The following NUP153 variants were observed in gnomAD, a reference collection of about 807,000 sequenced individuals.
NUP153 encodes the protein nuclear pore complex protein Nup153.
In NUP153, 27 loss-of-function variants were observed where a neutral mutation model predicts 134.6. The observed-to-expected ratio is 0.20, with a 90% confidence interval of 0.15 to 0.28. The LOEUF (loss-of-function observed/expected upper bound fraction) is 0.28, where lower values mean the gene tolerates loss of function less well. NUP153 is among the 10% of genes least tolerant of loss of function. NUP153 has a pLI of 1.00. For synonymous variants in NUP153, 640 were observed against 623.5 expected (o/e 1.03, Z -0.40); for missense variants, 1,821 against 1,731.3 (o/e 1.05, Z -0.92).
At chr6:17,652,731 G>T (rs187940255) in intron 11 of NUP153, among the ~76,000 whole-genome samples, 6 of 152,260 alleles carry the variant, frequency 3.9e-5, no homozygotes, top group African/African-American at 1.4e-4. Flanking sequence ...AACTCAGTAA[G>T]AAGACAGCTG....
intron 1 of NUP153, among the ~76,000 whole-genome samples, chr6:17,702,240 G>A (rs1392949546): frequency 6.6e-6 from 1 of 152,188 alleles, no homozygotes; most frequent in African/African-American, 2.4e-5. Context: ...GGGCGAGGTA[G>A]CTCATGCCTG....
chr6:17,689,365 C>A (rs1769140018), intron 1 of NUP153, among the ~76,000 whole-genome samples: 1 of 151,530 alleles, frequency 6.6e-6, no homozygotes, highest in South Asian at 2.1e-4. Context: ...CTAGCCCGGG[C>A]AACAAGGGCA....
intron 5 of NUP153, among the ~76,000 whole-genome samples, chr6:17,670,601 T>C (rs1294832793): frequency 2.6e-5 from 4 of 152,220 alleles, no homozygotes; most frequent in Non-Finnish European, 4.4e-5. Flanking sequence ...GCAGACATCC[T>C]TGCTTGCTTC....
Position 17,638,846 on chromosome 6 carries a change from C to T in NUP153, c.1847-1076G>A, listed in dbSNP as rs983315760. Among the ~76,000 whole-genome samples, 7 of 152,198 alleles carry T rather than the reference C, an allele frequency of 4.6e-5. No individual in the cohort carries two copies. The highest frequency in any genetic ancestry group is 1.7e-4 in the African/African-American group (7 of 41,454). ...CAAGCACTCTGGAGTTCTACCATAA[C>T]TGCATGGAACTGTCCAAGCTACTGG... On this transcript the variant is annotated intron_variant, in intron 15 of 21. Transcript: ENST00000262077. This position sits in a 1 kb window ranked among gnomAD's most constrained non-coding sequence, Gnocchi z 4.0.
chr6:17,664,641 T>C (rs1370346015), intron 9 of NUP153, among the ~76,000 whole-genome samples: 1 of 152,166 alleles, frequency 6.6e-6, no homozygotes. Flanking sequence ...TGAAATTTAC[T>C]TGCAGATAGT....
chr6:17,634,309 G>A (rs572693466), intron 16 of NUP153, among the ~76,000 whole-genome samples: 47 of 152,130 alleles, frequency 3.1e-4, no homozygotes, highest in South Asian at 6.2e-4. Context: ...GTAAGTTAGC[G>A]GACTTTCATT....
chr6:17,637,061 T>C lies in NUP153; in HGVS notation c.2464+92A>G, dbSNP rs930080528. 3.9e-5 allele frequency: 49 copies of C among 1,257,104 alleles called. No homozygotes were observed. In the South Asian group the frequency reaches 7.0e-4, roughly 18 times the overall value. The allele number at this position is 1,257,104 out of a possible 1,614,324, so 77.9% of individuals were successfully genotyped here. ...AATTAATATGTATGAGAAATGCTCATCCTGAAACATCTAAAACAAGGATTC... is the reference window on the plus strand; with the variant it reads ...AATTAATATGTATGAGAAATGCTCACCCTGAAACATCTAAAACAAGGATTC... On this transcript the variant is annotated intron_variant, in intron 16 of 21. Transcript: ENST00000262077.
chr6:17,704,044 G>A (rs1178582613), intron 1 of NUP153, among the ~76,000 whole-genome samples: 1 of 152,222 alleles, frequency 6.6e-6, no homozygotes, highest in Non-Finnish European at 1.5e-5. Flanking sequence ...TGTAATCCCA[G>A]CACTTCGGGA....
At chr6:17,620,705 A>G (rs1184876227) in intron 20 of NUP153, among the ~76,000 whole-genome samples, 1 of 152,156 alleles carries the variant, frequency 6.6e-6, no homozygotes, top group African/African-American at 2.4e-5. Flanking sequence ...TTTTCAGTTC[A>G]TCAGCTATTG....
intron 1 of NUP153, among the ~76,000 whole-genome samples, chr6:17,693,484 C>G (rs1380149972): frequency 6.6e-6 from 1 of 152,218 alleles, no homozygotes; most frequent in East Asian, 1.9e-4. Flanking sequence ...TGTATTCTTC[C>G]AGTCCTAGAG....
Position 17,630,702 on chromosome 6 carries a change from C to T in NUP153, c.2660-1163G>A, listed in dbSNP as rs376077706. Among the ~76,000 whole-genome samples the T allele has an allele frequency of 7.8e-4, 90 of 115,538 alleles. 1 individual carries two copies. In the South Asian group the frequency reaches 0.014, roughly 18 times the overall value. 75.8% of individuals were successfully genotyped at this position (115,538 alleles called of 152,430 possible). A position where few individuals can be genotyped will look rare whatever the true frequency, so the allele number is the denominator to read the frequency against. ...AGAAAACAGAGGAGAGCAGAGGAGACGGGAGACGAGAGGGGAGGGGAGACA... is the reference window on the plus strand; with the variant it reads ...AGAAAACAGAGGAGAGCAGAGGAGATGGGAGACGAGAGGGGAGGGGAGACA... On this transcript the variant is annotated intron_variant, in intron 17 of 21. Transcript: ENST00000262077.
intron 2 of NUP153, among the ~76,000 whole-genome samples, chr6:17,686,793 G>A (rs1305245784): frequency 6.6e-6 from 1 of 151,274 alleles, no homozygotes; most frequent in African/African-American, 2.4e-5. Flanking sequence ...TGAGTTGGGG[G>A]TAGGAAGGTA....
chr6:17,616,392 G>C (rs1178314156), intron 21 of NUP153, 135 bp downstream of exon 21: 2 of 861,034 alleles, frequency 2.3e-6, no homozygotes, highest in East Asian at 5.3e-5. Context: ...ATTATAGTAT[G>C]GTAAATTTAT....
intron 14 of NUP153, among the ~76,000 whole-genome samples, chr6:17,643,184 A>C (rs1303475163): frequency 6.6e-6 from 1 of 152,172 alleles, no homozygotes; most frequent in African/African-American, 2.4e-5. Flanking sequence ...ACAATAACAA[A>C]AATATAGGCT....
chr6:17,655,167 A>G (rs1766740014), intron 11 of NUP153, among the ~76,000 whole-genome samples: 1 of 152,230 alleles, frequency 6.6e-6, no homozygotes, highest in African/African-American at 2.4e-5. Flanking sequence ...TTGGTAGGAC[A>G]GTAAAAGCAA....
intron 1 of NUP153, among the ~76,000 whole-genome samples, chr6:17,702,330 A>C (rs1440153169): frequency 1.3e-5 from 2 of 152,038 alleles, no homozygotes; most frequent in African/African-American, 4.8e-5. Flanking sequence ...ACACGGTGAA[A>C]CCCCGTCTCT....
chr6:17,703,185 G>A (rs1403043952), intron 1 of NUP153, among the ~76,000 whole-genome samples: 6 of 135,492 alleles, frequency 4.4e-5, no homozygotes, highest in East Asian at 2.1e-4. Context: ...GCCACAGAAC[G>A]AGACTCCATC....
intron 8 of NUP153, 140 bp from the exon 9 acceptor site, chr6:17,665,525 G>A: frequency 6.4e-6 from 4 of 624,054 alleles, no homozygotes; most frequent in South Asian, 2.2e-5. Context: ...ACAAATAAGA[G>A]GAAAAACTGA....
intron 13 of NUP153, 61 bp downstream of exon 13, chr6:17,647,745 GA>G (rs1766276480): frequency 9.3e-7 from 1 of 1,071,624 alleles, no homozygotes; most frequent in African/African-American, 1.6e-5. Flanking sequence ...TCTTAGATTT[GA>G]TAAAAATATA....
Sources: allele counts gnomAD v4.1 joint callset (sites outside exome capture counted in the v4.1 genomes callset), GRCh38; gene constraint gnomAD v4.1.1; non-coding constraint Gnocchi (gnomAD v3.1); transcripts MANE v1.5; gene names NCBI Gene and HGNC (gene_info 2026-07-23, HGNC 2026-07-21).